KLHL29: variants seen among roughly 807,000 people sequenced by gnomAD.
The protein encoded by KLHL29 is kelch like family member 29, also known as kelch-like protein 29.
A neutral mutation model predicts 80.4 loss-of-function variants in KLHL29; 21 were observed. That is an observed-to-expected ratio of 0.26 (90% confidence interval 0.19 to 0.38). The LOEUF is 0.38. Ranked by LOEUF, KLHL29 falls within the 10% of genes least tolerant of loss-of-function variation. The probability of loss-of-function intolerance (pLI) is 1.00; values close to 1 mark genes in which losing one functional copy is unlikely to be tolerated. For missense variants in KLHL29, 867 were observed against 1,223.9 expected, an observed-to-expected ratio of 0.71 and a Z score of 4.35; for synonymous variants, 511 against 526.8, an observed-to-expected ratio of 0.97 and a Z score of 0.41.
intron 2 of KLHL29, among the ~76,000 whole-genome samples, chr2:23,480,711 C>T (rs559792787): frequency 7.2e-5 from 11 of 152,292 alleles, no homozygotes; most frequent in African/African-American, 2.4e-4. Flanking sequence ...TCTCATCTTT[C>T]AGTTCCTTTA....
chr2:23,573,371 A>G (rs1001764027), intron 3 of KLHL29, among the ~76,000 whole-genome samples: 4 of 152,178 alleles, frequency 2.6e-5, no homozygotes, highest in South Asian at 2.1e-4. Context: ...TCCTCATTAT[A>G]ACTCTCCGAG....
rs1410979511 is a variant in KLHL29 at position 23,430,219 on chromosome 2, G to A, written c.-154+44439G>A. ...GATTCAGTGAAGCTGGGTGAGGGAGGCCTGCCATCCTGCACTTCCAGCAAG... is the reference window on the plus strand; with the variant it reads ...GATTCAGTGAAGCTGGGTGAGGGAGACCTGCCATCCTGCACTTCCAGCAAG... On this transcript the variant is annotated intron_variant, in intron 1 of 13. Coordinates refer to ENST00000486442, the MANE Select transcript of KLHL29 (RefSeq NM_052920.2). Among the ~76,000 whole-genome samples the A allele has an allele frequency of 2.6e-5, 4 of 152,282 alleles. 1 individual carries two copies. In the South Asian group the frequency reaches 8.3e-4, roughly 32 times the overall value.
chr2:23,424,301 C>T (rs1359793174), intron 1 of KLHL29, among the ~76,000 whole-genome samples: 7 of 152,096 alleles, frequency 4.6e-5, no homozygotes, highest in East Asian at 3.8e-4. Flanking sequence ...TGTGCGTGGG[C>T]GGGTGCATTT....
intron 3 of KLHL29, among the ~76,000 whole-genome samples, chr2:23,589,667 C>T (rs1412305252): frequency 6.6e-6 from 1 of 152,206 alleles, no homozygotes; most frequent in Non-Finnish European, 1.5e-5. Flanking sequence ...TTGGGACCTG[C>T]AGAGAAGTAG....
chr2:23,614,131 A>T (rs769369502), intron 3 of KLHL29, among the ~76,000 whole-genome samples: 1 of 152,180 alleles, frequency 6.6e-6, no homozygotes, highest in Admixed American at 6.5e-5. Context: ...TTTGTCGCTT[A>T]CCTACCTATG....
At chr2:23,619,649 C>CT (rs754169342) in intron 3 of KLHL29, among the ~76,000 whole-genome samples, 4 of 152,038 alleles carry the variant, frequency 2.6e-5, no homozygotes, top group African/African-American at 4.8e-5. Flanking sequence ...AAATCAATGT[C>CT]TGGTGTCAGG....
At chr2:23,506,869 C>G (rs1025896656) in intron 2 of KLHL29, among the ~76,000 whole-genome samples, 1 of 150,672 alleles carries the variant, frequency 6.6e-6, no homozygotes, top group Non-Finnish European at 1.5e-5. Context: ...TTCTGAATGC[C>G]AAAACCCCTG....
chr2:23,446,466 C>T (rs1278152084), intron 1 of KLHL29, among the ~76,000 whole-genome samples: 1 of 152,182 alleles, frequency 6.6e-6, no homozygotes, highest in Non-Finnish European at 1.5e-5. Flanking sequence ...TGGTGAAAGC[C>T]CAAAACTGAG....
At chr2:23,482,165 G>T (rs1664813782) in intron 2 of KLHL29, among the ~76,000 whole-genome samples, 1 of 152,234 alleles carries the variant, frequency 6.6e-6, no homozygotes, top group South Asian at 2.1e-4. Context: ...GGGAGCTGAG[G>T]ATAGCATGCA....
rs901163993 is a variant in KLHL29 at position 23,695,358 on chromosome 2, G to A, written c.1543-265G>A. 6.6e-6 allele frequency among the ~76,000 whole-genome samples: 1 copy of A among 152,102 alleles called. No individual in the cohort carries two copies. The highest frequency in any genetic ancestry group is 2.4e-5 in the African/African-American group (1 of 41,416). ...GAGTGAGAGAATGGGGTGCTGGGGG[G>A]ATGAACACATGCTCCCACTCCTGCA... On this transcript the variant is annotated intron_variant, in intron 8 of 13. Transcript: ENST00000486442. This position sits in a 1 kb window ranked among gnomAD's most constrained non-coding sequence, Gnocchi z 7.6.
chr2:23,665,868 CCACCGCCAA>C (rs1265859057), intron 5 of KLHL29, among the ~76,000 whole-genome samples: 1 of 152,218 alleles, frequency 6.6e-6, no homozygotes, highest in Non-Finnish European at 1.5e-5. Flanking sequence ...CCACCAGGCC[CCACCGCCAA>C]CACATTTCCA....
At chr2:23,446,198 T>C (rs1461454258) in intron 1 of KLHL29, among the ~76,000 whole-genome samples, 3 of 135,862 alleles carry the variant, frequency 2.2e-5, no homozygotes, top group Non-Finnish European at 4.7e-5. Flanking sequence ...GTCTAATGCA[T>C]TTGGAGTTTT....
chr2:23,539,883 T>G (rs1007282875), intron 2 of KLHL29, among the ~76,000 whole-genome samples: 7 of 152,198 alleles, frequency 4.6e-5, no homozygotes, highest in Non-Finnish European at 1.0e-4. Context: ...TAAACTCCAG[T>G]GACTCCAAAA....
intron 1 of KLHL29, among the ~76,000 whole-genome samples, chr2:23,463,081 C>G (rs372766063): frequency 1.4e-5 from 2 of 145,688 alleles, no homozygotes; most frequent in Non-Finnish European, 3.1e-5. Flanking sequence ...GTTTTTTTTT[C>G]AGTGTAGTTT....
At chr2:23,387,151 A>G (rs1016539414) in intron 1 of KLHL29, among the ~76,000 whole-genome samples, 7 of 152,160 alleles carry the variant, frequency 4.6e-5, no homozygotes, top group Non-Finnish European at 8.8e-5. Flanking sequence ...TTTATGTAGC[A>G]TTAGGCGAGA....
intron 1 of KLHL29, among the ~76,000 whole-genome samples, chr2:23,390,522 A>T (rs1372625414): frequency 6.6e-6 from 1 of 152,122 alleles, no homozygotes; most frequent in Non-Finnish European, 1.5e-5. Flanking sequence ...ATGTGTATAT[A>T]TATATTTGTA....
intron 1 of KLHL29, among the ~76,000 whole-genome samples, 159 bp downstream of exon 1, chr2:23,385,939 C>T (rs1237590356): frequency 6.6e-6 from 1 of 151,986 alleles, no homozygotes; most frequent in Non-Finnish European, 1.5e-5. Context: ...ACAGGAGCCT[C>T]CCGCGTCTGG....
rs1671052387 is a variant in KLHL29, at chr2:23,680,481, C to T, written c.941-3918C>T. Among the ~76,000 whole-genome samples, 1 of 152,196 alleles carries T rather than the reference C, an allele frequency of 6.6e-6. No homozygotes were observed. The highest frequency in any genetic ancestry group is 2.4e-5 in the African/African-American group (1 of 41,450). Reference sequence around the variant, plus strand: ...ACGTAGGCGGGCATCCCGCTCAAAGCCGAGGAGACCCAAAAACAACCTCTG... The same window carrying T: ...ACGTAGGCGGGCATCCCGCTCAAAGTCGAGGAGACCCAAAAACAACCTCTG... On this transcript the variant is annotated intron_variant, in intron 5 of 13. Transcript: ENST00000486442. This position sits in a 1 kb window ranked among gnomAD's most constrained non-coding sequence, Gnocchi z 4.1.
At chr2:23,420,472 C>T (rs1339173868) in intron 1 of KLHL29, among the ~76,000 whole-genome samples, 2 of 152,230 alleles carry the variant, frequency 1.3e-5, no homozygotes, top group Admixed American at 1.3e-4. Flanking sequence ...ACCGGGCTGT[C>T]TGGAGTCCTC....
Sources: allele counts gnomAD v4.1 joint callset (sites outside exome capture counted in the v4.1 genomes callset), GRCh38; gene constraint gnomAD v4.1.1; non-coding constraint Gnocchi (gnomAD v3.1); transcripts MANE v1.5; gene names NCBI Gene and HGNC (gene_info 2026-07-23, HGNC 2026-07-21).